Variants in DISC1 observed in about 807,000 individuals in gnomAD.
The protein encoded by DISC1 is disrupted in schizophrenia 1 protein.
A neutral mutation model predicts 84.5 loss-of-function variants in DISC1; 57 were observed. The ratio of observed to expected loss-of-function variants is 0.67; its 90% CI spans 0.55 to 0.84. The LOEUF is 0.84. Among genes scored for constraint, DISC1 ranks in the 40% least tolerant of loss-of-function variants. The probability of loss-of-function intolerance (pLI) is 0.00; values close to 1 mark genes in which losing one functional copy is unlikely to be tolerated. For synonymous variants in DISC1, 411 were observed against 415.2 expected, an observed-to-expected ratio of 0.99 and a Z score of 0.12; for missense variants, 1,000 against 1,057.8, an observed-to-expected ratio of 0.95 and a Z score of 0.76.
At chr1:231,768,864 T>C (rs1573656219) in intron 5 of DISC1, among the ~76,000 whole-genome samples, 1 of 152,296 alleles carries the variant, frequency 6.6e-6, no homozygotes, top group African/African-American at 2.4e-5. Context: ...GAAGTGAGAT[T>C]GGACCCAACA....
chr1:231,912,467 G>T (rs1306687689), intron 9 of DISC1, among the ~76,000 whole-genome samples: 1 of 152,204 alleles, frequency 6.6e-6, no homozygotes, highest in Non-Finnish European at 1.5e-5. Context: ...GTTTACCTGG[G>T]TATCACCAGC....
intron 9 of DISC1, among the ~76,000 whole-genome samples, chr1:231,951,896 T>A (rs1352417585): frequency 6.6e-6 from 1 of 150,744 alleles, no homozygotes; most frequent in African/African-American, 2.4e-5. Flanking sequence ...TGAACCCTCA[T>A]CTCTACAAAA....
At position 231,780,492 on chromosome 1, in the gene DISC1, T is replaced by TTAAAAAG. The variant is rs1178500303; in HGVS notation, c.1634+9424_1634+9430dup. Among the ~76,000 whole-genome samples, 3 of 147,364 alleles carry TTAAAAAG rather than the reference T, an allele frequency of 2.0e-5. No homozygotes were observed. In the East Asian group the frequency reaches 6.0e-4, roughly 29 times the overall value. The stretch of plus-strand genomic sequence containing the variant: ...CTCACACCAGTTAGAATGGCAATCA[T>TTAAAAAG]TAAAAAGTCAGGAAACAACAGGTGC... On this transcript the variant is annotated intron_variant, in intron 6 of 12. Coordinates refer to ENST00000439617, the MANE Select transcript of DISC1 (RefSeq NM_018662.3).
At chr1:231,960,363 C>G (rs892009269) in intron 10 of DISC1, among the ~76,000 whole-genome samples, 3 of 152,156 alleles carry the variant, frequency 2.0e-5, no homozygotes, top group Admixed American at 2.0e-4. Context: ...TAGCGATTCT[C>G]CTGTCTCAGC....
chr1:231,735,157 T>C (rs1418288423), intron 3 of DISC1, among the ~76,000 whole-genome samples: 1 of 152,238 alleles, frequency 6.6e-6, no homozygotes, highest in Non-Finnish European at 1.5e-5. Flanking sequence ...AAACTCTTAG[T>C]TCTTCCCAGG....
chr1:231,761,380 C>G (rs990523930), intron 4 of DISC1, among the ~76,000 whole-genome samples: 2 of 152,164 alleles, frequency 1.3e-5, no homozygotes, highest in Non-Finnish European at 2.9e-5. Context: ...ACAGAGGAAG[C>G]CTGACTCAGA....
At chr1:231,860,258 A>G (rs554144798) in intron 9 of DISC1, among the ~76,000 whole-genome samples, 1 of 152,322 alleles carries the variant, frequency 6.6e-6, no homozygotes, top group African/African-American at 2.4e-5. Context: ...TTCTAAGCCA[A>G]AGACACATTC....
At chr1:231,704,992 G>A (rs1352496563) in intron 3 of DISC1, among the ~76,000 whole-genome samples, 1 of 151,940 alleles carries the variant, frequency 6.6e-6, no homozygotes, top group Non-Finnish European at 1.5e-5. Flanking sequence ...AGGGGAAACT[G>A]GATAATACAC....
At position 231,832,980 on chromosome 1, in the gene DISC1, G is replaced by C. The variant is rs1478466427; in HGVS notation, c.1981+14463G>C. Among the ~76,000 whole-genome samples the C allele has an allele frequency of 3.9e-5, 4 of 103,490 alleles. 1 individual carries two copies. The highest frequency in any genetic ancestry group is 8.4e-5 in the Non-Finnish European group (4 of 47,620). The allele number at this position is 103,490 out of a possible 152,430, so 67.9% of individuals were successfully genotyped here. ...GCATTGAGCAGGCTAAGGGTGATTAGGTTTTAATGAGATGGTAAGGGGTGC... is the reference window on the plus strand; with the variant it reads ...GCATTGAGCAGGCTAAGGGTGATTACGTTTTAATGAGATGGTAAGGGGTGC... On this transcript the variant is annotated intron_variant, in intron 9 of 12. Transcript: ENST00000439617.
chr1:231,909,761 C>T (rs922490385), intron 9 of DISC1, among the ~76,000 whole-genome samples: 2 of 152,266 alleles, frequency 1.3e-5, no homozygotes, highest in East Asian at 3.9e-4. Context: ...GTACCAGCTC[C>T]TCTTTGTACG....
intron 9 of DISC1, among the ~76,000 whole-genome samples, chr1:231,887,838 T>C (rs996001228): frequency 6.6e-6 from 1 of 152,240 alleles, no homozygotes; most frequent in Non-Finnish European, 1.5e-5. Context: ...GCCCTTTAAC[T>C]TTAAAGGTGA....
At chr1:231,854,680 A>T in intron 9 of DISC1, 1 of 175,732 alleles carries the variant, frequency 5.7e-6, no homozygotes, top group East Asian at 1.6e-4. Context: ...CTGTACTTGG[A>T]GGTATGTGAT....
chr1:231,809,523 T>TAAAA (rs1491410470), intron 8 of DISC1, among the ~76,000 whole-genome samples: 1 of 78,138 alleles, frequency 1.3e-5, no homozygotes, highest in African/African-American at 4.7e-5. Context: ...CTTTTTTTTT[T>TAAAA]GAAAAAAAAA....
chr1:231,873,900 G>T (rs993491598), intron 9 of DISC1, among the ~76,000 whole-genome samples: 1 of 151,824 alleles, frequency 6.6e-6, no homozygotes, highest in African/African-American at 2.4e-5. Context: ...GAATGCTGAA[G>T]TGCAGTGGTG....
chr1:231,731,787 A>G lies in DISC1; in HGVS notation c.1118-18139A>G, dbSNP rs199730887. The stretch of plus-strand genomic sequence containing the variant: ...CATAATTTTAGCAAGTTGACTTATA[A>G]AGCGTCTTTAAGTGGAATATTTCTT... On this transcript the variant is annotated intron_variant, in intron 3 of 12. Coordinates refer to ENST00000439617, the MANE Select transcript of DISC1 (RefSeq NM_018662.3). Among the ~76,000 whole-genome samples, 87 of 152,166 alleles carry G rather than the reference A, an allele frequency of 5.7e-4. 1 individual carries two copies. The highest frequency in any genetic ancestry group is 1.2e-3 in the Non-Finnish European group (84 of 68,024).
At chr1:231,893,688 C>G (rs1475339014) in intron 9 of DISC1, among the ~76,000 whole-genome samples, 6 of 152,020 alleles carry the variant, frequency 3.9e-5, no homozygotes, top group African/African-American at 7.3e-5. Flanking sequence ...GATAGGAAGA[C>G]AATCATACAA....
At chr1:231,844,204 CT>C in intron 9 of DISC1, among the ~76,000 whole-genome samples, 1 of 152,312 alleles carries the variant, frequency 6.6e-6, no homozygotes, top group Non-Finnish European at 1.5e-5. Context: ...CCATTTAGCT[CT>C]GTTTGACTTG....
chr1:231,683,566 C>T (rs1365196041), intron 1 of DISC1, among the ~76,000 whole-genome samples: 1 of 150,652 alleles, frequency 6.6e-6, no homozygotes, highest in Non-Finnish European at 1.5e-5. Flanking sequence ...TGTAATTTGC[C>T]TGTATTCTGT....
intron 1 of DISC1, among the ~76,000 whole-genome samples, chr1:231,628,150 T>TA (rs1469163319): frequency 3.9e-5 from 6 of 152,194 alleles, no homozygotes; most frequent in African/African-American, 1.4e-4. Context: ...GTAGGGCATT[T>TA]AAAAACACAT....
Sources: gnomAD v4.1 joint callset for allele counts (sites outside exome capture counted in the v4.1 genomes callset) on GRCh38, gnomAD v4.1.1 for gene constraint, MANE v1.5 for transcripts, NCBI Gene and HGNC (gene_info 2026-07-23, HGNC 2026-07-21) for gene names.